Variants in ANXA3 observed in about 807,000 individuals in gnomAD.
ANXA3 encodes the protein annexin A3, also known as 35-alpha calcimedin.
In ANXA3, 46 loss-of-function variants were observed where a neutral mutation model predicts 48.8. The ratio of observed to expected loss-of-function variants is 0.94; its 90% CI spans 0.74 to 1.21. The LOEUF is 1.21. Ranked by LOEUF, ANXA3 falls within the 50% of genes most tolerant of loss-of-function variation. ANXA3 has a pLI of 0.00. For missense variants in ANXA3, 383 were observed against 378.6 expected, an observed-to-expected ratio of 1.01 and a Z score of -0.10; for synonymous variants, 128 against 134.7, an observed-to-expected ratio of 0.95 and a Z score of 0.35.
intron 11 of ANXA3, chr4:78,601,771 T>G: frequency 2.3e-6 from 1 of 444,178 alleles, no homozygotes; most frequent in Middle Eastern, 5.9e-4. Flanking sequence ...TAAACAGACC[T>G]GGGTTTATGA....
chr4:78,563,171 T>C (rs1722657723), intron 2 of ANXA3, among the ~76,000 whole-genome samples: 1 of 152,162 alleles, frequency 6.6e-6, no homozygotes, highest in Non-Finnish European at 1.5e-5. Context: ...AACTCATAAA[T>C]AACCCATAAA....
In ANXA3 at chr4:78,579,924, C is replaced by CA. The variant is rs1312946431; in HGVS notation, c.198+809dup. Among the ~76,000 whole-genome samples the CA allele has an allele frequency of 2.4e-3, 365 of 151,996 alleles. 1 individual carries two copies. Among genetic ancestry groups the CA allele is most frequent in the African/African-American group, 8.2e-3 (338 of 41,406 alleles). On this transcript the variant is annotated intron_variant, in intron 4 of 12. Coordinates refer to ENST00000264908, the MANE Select transcript of ANXA3 (RefSeq NM_005139.3). ...CTGGAAACAGAGCAAGACTCCGTCT[C>CA]AAAAAACAAAATAAAAAGGAAAAAG...
chr4:78,564,944 T>G (rs1322545979), intron 2 of ANXA3, among the ~76,000 whole-genome samples: 1 of 151,942 alleles, frequency 6.6e-6, no homozygotes, highest in East Asian at 1.9e-4. Flanking sequence ...GTAAGGAGTT[T>G]GGACTCTATT....
chr4:78,558,767 G>C (rs1722567888), intron 2 of ANXA3, among the ~76,000 whole-genome samples: 2 of 152,104 alleles, frequency 1.3e-5, no homozygotes, highest in Admixed American at 1.3e-4. Context: ...TGATGAAAGG[G>C]CCTGATATCT....
chr4:78,574,565 C>CG (rs1722909860), intron 3 of ANXA3, among the ~76,000 whole-genome samples: 1 of 151,116 alleles, frequency 6.6e-6, no homozygotes, highest in South Asian at 2.1e-4. Flanking sequence ...ACTACATATA[C>CG]ATGTACATAT....
intron 10 of ANXA3, among the ~76,000 whole-genome samples, chr4:78,598,535 T>A: frequency 6.8e-6 from 1 of 147,136 alleles, no homozygotes; most frequent in East Asian, 1.9e-4. Flanking sequence ...ACATTGTTAA[T>A]CTTTTTTTCT....
At chr4:78,568,348 A>T (rs1722772063) in intron 2 of ANXA3, among the ~76,000 whole-genome samples, 1 of 152,184 alleles carries the variant, frequency 6.6e-6, no homozygotes, top group African/African-American at 2.4e-5. Context: ...TGTATCATAA[A>T]GCTTCATGAC....
chr4:78,579,000 G>A, intron 3 of ANXA3, 27 bp from the exon 4 acceptor site: 1 of 1,492,524 alleles, frequency 6.7e-7, no homozygotes, highest in Non-Finnish European at 9.3e-7. Context: ...CATAAATATT[G>A]AGTAAAATAA....
At chr4:78,595,546 T>C (rs1723404992) in intron 8 of ANXA3, 109 bp downstream of exon 8, 1 of 1,257,178 alleles carries the variant, frequency 8.0e-7, no homozygotes, top group Non-Finnish European at 1.1e-6. Flanking sequence ...TTTTCTTTTT[T>C]TTTTTTTCCT....
intron 7 of ANXA3, among the ~76,000 whole-genome samples, chr4:78,593,840 A>T (rs1450799333): frequency 6.9e-6 from 1 of 144,054 alleles, no homozygotes; most frequent in Non-Finnish European, 1.5e-5. Context: ...AGAGCGAGAG[A>T]AGGTCTCACT....
intron 3 of ANXA3, among the ~76,000 whole-genome samples, chr4:78,576,144 G>C (rs1328142853): frequency 6.6e-6 from 1 of 151,996 alleles, no homozygotes; most frequent in Non-Finnish European, 1.5e-5. Flanking sequence ...GTCTTTCTTG[G>C]CTCTTTGCCC....
chr4:78,609,278 T>C (rs1255810901), intron 12 of ANXA3, among the ~76,000 whole-genome samples: 2 of 152,148 alleles, frequency 1.3e-5, no homozygotes, highest in Non-Finnish European at 2.9e-5. Flanking sequence ...AGCTCACTGG[T>C]TGGGTTACCT....
At chr4:78,566,725 C>T (rs866404589) in intron 2 of ANXA3, among the ~76,000 whole-genome samples, 21 of 152,060 alleles carry the variant, frequency 1.4e-4, no homozygotes, top group Admixed American at 2.6e-4. Flanking sequence ...GCTCACTAGT[C>T]GGGTGACGGG....
intron 1 of ANXA3, among the ~76,000 whole-genome samples, chr4:78,552,955 C>T (rs954715119): frequency 3.3e-5 from 5 of 152,134 alleles, no homozygotes; most frequent in Admixed American, 3.3e-4. Flanking sequence ...TGATGTAATC[C>T]CTTTCAGGAA....
chr4:78,589,310 C>G (rs116197300), intron 6 of ANXA3, among the ~76,000 whole-genome samples: 1 of 152,166 alleles, frequency 6.6e-6, no homozygotes, highest in Non-Finnish European at 1.5e-5. Context: ...GAGTAATGCT[C>G]TCTGAGGCTA....
rs750636849 is a variant in ANXA3, at chr4:78,579,130, A to G, written c.198+9A>G. ...AAGCAGCATATGGAAAGGTAAGGTC[A>G]CATTAACATGACAGGCAGTAAAGAG... On this transcript the variant is annotated intron_variant, in intron 4 of 12. Transcript: ENST00000264908. 1 of 1,589,912 alleles carries G rather than the reference A, an allele frequency of 6.3e-7. No homozygotes were observed. The highest frequency in any genetic ancestry group is 1.1e-5 in the South Asian group (1 of 89,428).
chr4:78,575,936 T>A (rs1020764814), intron 3 of ANXA3, among the ~76,000 whole-genome samples: 6 of 152,228 alleles, frequency 3.9e-5, no homozygotes, highest in Non-Finnish European at 8.8e-5. Context: ...CTATTTCATG[T>A]GGACATTTAA....
At chr4:78,569,077 C>A (rs959156354) in intron 2 of ANXA3, among the ~76,000 whole-genome samples, 3 of 152,208 alleles carry the variant, frequency 2.0e-5, no homozygotes, top group African/African-American at 7.2e-5. Context: ...TAGTGATTAG[C>A]AGCAATTGTT....
intron 6 of ANXA3, among the ~76,000 whole-genome samples, chr4:78,587,728 G>A (rs535223099): frequency 3.9e-5 from 6 of 152,278 alleles, no homozygotes; most frequent in South Asian, 2.1e-4. Flanking sequence ...TGTTATTGAT[G>A]TACCAATTGG....
Sources: gnomAD v4.1 joint callset for allele counts (sites outside exome capture counted in the v4.1 genomes callset) on GRCh38, gnomAD v4.1.1 for gene constraint, MANE v1.5 for transcripts, NCBI Gene and HGNC (gene_info 2026-07-23, HGNC 2026-07-21) for gene names.